The following SETD6 variants were observed in gnomAD, a reference collection of about 807,000 sequenced individuals.
SETD6 encodes the protein SET domain containing 6, protein lysine methyltransferase, also known as N-lysine methyltransferase SETD6.
In SETD6, 67 loss-of-function variants were observed where a neutral mutation model predicts 52.7. That is an observed-to-expected ratio of 1.27 (90% CI 1.04 to 1.56). The LOEUF (loss-of-function observed/expected upper bound fraction) is 1.56, where lower values mean the gene tolerates loss of function less well. SETD6 is among the 40% of genes most tolerant of loss of function. The pLI is 0.00. For synonymous variants in SETD6, 307 were observed against 250.2 expected, an observed-to-expected ratio of 1.23 and a Z score of -2.14; for missense variants, 712 against 607.5, an observed-to-expected ratio of 1.17 and a Z score of -1.81.
At chr16:58,517,012 A>G in intron 5 of SETD6, 84 bp downstream of exon 5, 1 of 1,599,378 alleles carries the variant, frequency 6.3e-7, no homozygotes, top group Non-Finnish European at 8.6e-7. Flanking sequence ...TAGTGCTACA[A>G]AATGAGTAGG....
At position 58,522,237 on chromosome 16, in the gene SETD6, C is replaced by CAAAAAAAAAAAAAAAAAAAAAA. The variant is rs56149974; in HGVS notation, c.*3217_*3238dup. ...AGGAGGCGACAAAGCGAGACTGTCT[C>CAAAAAAAAAAAAAAAAAAAAAA]AAAAAAAAAAAAAAAAAAAAAAAAA... On this transcript the variant is annotated 3_prime_UTR_variant, in exon 8 of 8. Transcript: ENST00000219315. 2.0e-5 allele frequency among the ~76,000 whole-genome samples: 2 copies of CAAAAAAAAAAAAAAAAAAAAAA among 98,556 alleles called. No individual in the cohort carries two copies. Among genetic ancestry groups the CAAAAAAAAAAAAAAAAAAAAAA allele is most frequent in the African/African-American group, 8.5e-5 (2 of 23,600 alleles). 64.7% of individuals were successfully genotyped at this position (98,556 alleles called of 152,430 possible).
chr16:58,518,531 C>T lies in SETD6; in HGVS notation c.1104C>T (p.Thr368=), dbSNP rs746497487. 4.4e-6 allele frequency: 7 copies of T among 1,597,378 alleles called. No individual in the cohort carries two copies. The highest frequency in any genetic ancestry group is 6.0e-6 in the Non-Finnish European group (7 of 1,176,356). The stretch of plus-strand genomic sequence containing the variant: ...AGGTGCTGACTGAAGAGGAGCTGAC[C>T]ACCACACTAAAGGTAAACGGCTGAA... ...REEVLTEEEL[T]TTLKVLCMPA... The change falls in exon 7 of 8, where the codon ACC becomes ACT. Residue 368 remains threonine, a synonymous_variant. Coordinates refer to ENST00000219315, the MANE Select transcript of SETD6 (RefSeq NM_001160305.4).
Position 58,518,382 on chromosome 16 carries a change from A to ATT in SETD6, c.974-18_974-17dup. 6.3e-7 allele frequency: 1 copy of ATT among 1,580,128 alleles called. No homozygotes were observed. Among genetic ancestry groups the ATT allele is most frequent in the South Asian group, 1.2e-5 (1 of 85,788 alleles). On this transcript the variant is annotated intron_variant, in intron 6 of 7. Coordinates refer to ENST00000219315, the MANE Select transcript of SETD6 (RefSeq NM_001160305.4). ...CCCTTGGGTGTACTGAGACTTTCACATTGCTGTTTCATCTACAGGAACAAA... is the reference window on the plus strand; with the variant it reads ...CCCTTGGGTGTACTGAGACTTTCACATTTTGCTGTTTCATCTACAGGAACAAA...
At position 58,520,505 on chromosome 16, in the gene SETD6, T is replaced by G. The variant is rs978860710; in HGVS notation, c.*1476T>G. On this transcript the variant is annotated 3_prime_UTR_variant, in exon 8 of 8. Transcript: ENST00000219315. ...TGATTTTCAAGGTCCCCTGTCCACA[T>G]TAAAAAAATAAGTTACATAATATTC... The G allele has an allele frequency of 1.2e-4, 20 of 169,362 alleles. No homozygotes were observed. Among genetic ancestry groups the G allele is most frequent in the Non-Finnish European group, 2.3e-4 (18 of 77,102 alleles). 10.5% of individuals were successfully genotyped at this position (169,362 alleles called of 1,614,324 possible).
chr16:58,516,931 G>T lies in SETD6; in HGVS notation c.792+3G>T. 1 of 1,614,192 alleles carries T rather than the reference G, an allele frequency of 6.2e-7. No homozygotes were observed. Among genetic ancestry groups the T allele is most frequent in the South Asian group, 1.1e-5 (1 of 91,080 alleles). On this transcript the variant is annotated splice_donor_region_variant and intron_variant, in intron 5 of 7. Coordinates refer to ENST00000219315, the MANE Select transcript of SETD6 (RefSeq NM_001160305.4). ...ACGCCAATCTAGAATACTCTGCGGTGAGTGGAGTTTCTCTTGGTGCACTGA... is the reference window on the plus strand; with the variant it reads ...ACGCCAATCTAGAATACTCTGCGGTTAGTGGAGTTTCTCTTGGTGCACTGA...
At chr16:58,515,503 G>A (rs575804609), upstream of SETD6, 5 of 1,572,040 alleles carry the variant, frequency 3.2e-6, no homozygotes, top group South Asian at 4.7e-5. Context: ...TGACCGCGCG[G>A]TGCGCCGGCC....
At chr16:58,515,753 T>G in intron 1 of SETD6, 38 bp from the exon 2 acceptor site, 1 of 1,431,310 alleles carries the variant, frequency 7.0e-7, no homozygotes, top group East Asian at 2.8e-5. Flanking sequence ...GCGGCCTCTC[T>G]GGGGGTCGGA....
At chr16:58,516,381 G>A in intron 3 of SETD6, 38 bp downstream of exon 3, 2 of 1,577,476 alleles carry the variant, frequency 1.3e-6, no homozygotes, top group Non-Finnish European at 1.7e-6. Flanking sequence ...CGCCTGCACC[G>A]TAGCCTGCTG....
rs553767211 is a variant in SETD6 at position 58,519,431 on chromosome 16, G to A, written c.*402G>A. 1.1e-4 allele frequency: 20 copies of A among 189,620 alleles called. No homozygotes were observed. Among genetic ancestry groups the A allele is most frequent in the Non-Finnish European group, 2.0e-4 (18 of 90,006 alleles). The allele number at this position is 189,620 out of a possible 1,614,324, so 11.7% of individuals were successfully genotyped here. On this transcript the variant is annotated 3_prime_UTR_variant, in exon 8 of 8. Transcript: ENST00000219315. ...ATTGAAAAGACTCTGGATTTAATAA[G>A]CTGTGTAACTGGTACTCGATAGTTA...
At position 58,516,928 on chromosome 16, in the gene SETD6, G is replaced by C. The variant is rs750324018; in HGVS notation, c.792G>C (p.Ala264=). ...ANHNANLEYS[A]NCLRMVATQP... ...ACAACGCCAATCTAGAATACTCTGC[G>C]GTGAGTGGAGTTTCTCTTGGTGCAC... The change falls in exon 5 of 8, where the codon GCG becomes GCC. Residue 264 remains alanine, a splice_region_variant and synonymous_variant. Transcript: ENST00000219315. 1.9e-6 allele frequency: 3 copies of C among 1,614,126 alleles called. No individual in the cohort carries two copies. The highest frequency in any genetic ancestry group is 2.2e-5 in the South Asian group (2 of 91,084).
intron 3 of SETD6, 53 bp from the exon 4 acceptor site, chr16:58,516,425 C>G: frequency 6.2e-7 from 1 of 1,613,074 alleles, no homozygotes; most frequent in Non-Finnish European, 8.5e-7. Context: ...CCAGTCCTAC[C>G]CAGTAAAGTG....
rs2151888683 is a variant in SETD6, at chr16:58,522,536, A to G, written c.*3507A>G. 6.6e-6 allele frequency among the ~76,000 whole-genome samples: 1 copy of G among 151,058 alleles called. No individual in the cohort carries two copies. The highest frequency in any genetic ancestry group is 2.1e-4 in the South Asian group (1 of 4,794). On this transcript the variant is annotated 3_prime_UTR_variant, in exon 8 of 8. Coordinates refer to ENST00000219315, the MANE Select transcript of SETD6 (RefSeq NM_001160305.4). ...ATTAGGCAAATGAGCAAGTTTTAAGAGTCTGGCCCAATTTTTAAAGTGTGT... is the reference window on the plus strand; with the variant it reads ...ATTAGGCAAATGAGCAAGTTTTAAGGGTCTGGCCCAATTTTTAAAGTGTGT...
rs773932530 is a variant in SETD6, at chr16:58,516,217, A to C, written c.350A>C (p.Gln117Pro). Residue 117 changes from glutamine to proline, a missense_variant, in exon 3 of 8, where the codon CAG becomes CCG. By Grantham distance (76) the Gln-to-Pro change is moderately conservative. Transcript: ENST00000219315. ...GLLERERVAL[Q>P]SQSGWVPLLL... ...TCTTCCTCAGAGCGAGTTGCGCTGC[A>C]GAGCCAGTCGGGCTGGGTGCCACTG... The C allele has an allele frequency of 6.3e-7, 1 of 1,593,928 alleles. No individual in the cohort carries two copies. The highest frequency in any genetic ancestry group is 1.1e-5 in the South Asian group (1 of 90,792).
Position 58,523,608 on chromosome 16 carries a change from A to C in SETD6, c.*4579A>C, listed in dbSNP as rs2151890726. On this transcript the variant is annotated 3_prime_UTR_variant, in exon 8 of 8. Coordinates refer to ENST00000219315, the MANE Select transcript of SETD6 (RefSeq NM_001160305.4). ...GTTTCTGACAGAGGCTTTCAAATTAATCTTTGGTTTAAAGCAGTGGTTCTT... is the reference window on the plus strand; with the variant it reads ...GTTTCTGACAGAGGCTTTCAAATTACTCTTTGGTTTAAAGCAGTGGTTCTT... 1.9e-6 allele frequency: 2 copies of C among 1,054,382 alleles called. No homozygotes were observed. The highest frequency in any genetic ancestry group is 4.8e-5 in the East Asian group (2 of 41,378). The allele number at this position is 1,054,382 out of a possible 1,614,324, so 65.3% of individuals were successfully genotyped here.
Position 58,516,205 on chromosome 16 carries a change from G to T in SETD6, c.338G>T (p.Arg113Leu), listed in dbSNP as rs780113702. The T allele has an allele frequency of 1.9e-6, 3 of 1,587,910 alleles. No individual in the cohort carries two copies. The highest frequency in any genetic ancestry group is 1.1e-5 in the South Asian group (1 of 90,386). ...CSIGGLLERE[R>L]VALQSQSGWV... Reference sequence around the variant, plus strand: ...CTCACACCTGTGTCTTCCTCAGAGCGAGTTGCGCTGCAGAGCCAGTCGGGC... The same window carrying T: ...CTCACACCTGTGTCTTCCTCAGAGCTAGTTGCGCTGCAGAGCCAGTCGGGC... Residue 113 changes from arginine to leucine, a missense_variant, in exon 3 of 8, where the codon CGA becomes CTA. Coordinates refer to ENST00000219315, the MANE Select transcript of SETD6 (RefSeq NM_001160305.4).
chr16:58,521,083 A>AAC lies in SETD6; in HGVS notation c.*2056_*2057dup. ...AAATCTCTGATTAAAGAGTAGGCCT[A>AAC]ACAATACCTTGCATCTCATTCAGCT... is the stretch of plus-strand genomic sequence containing the variant. On this transcript the variant is annotated 3_prime_UTR_variant, in exon 8 of 8. Transcript: ENST00000219315. 6.2e-7 allele frequency: 1 copy of AAC among 1,613,758 alleles called. No homozygotes were observed. Among genetic ancestry groups the AAC allele is most frequent in the Admixed American group, 1.7e-5 (1 of 60,022 alleles).
Position 58,516,882 on chromosome 16 carries a change from TAC to T in SETD6, c.747_748del (p.Leu250LysfsTer27), listed in dbSNP as rs1439183621. 7.4e-6 allele frequency: 12 copies of T among 1,614,134 alleles called. No individual in the cohort carries two copies. Among genetic ancestry groups the T allele is most frequent in the African/African-American group, 1.3e-5 (1 of 75,026 alleles). On this transcript the variant is annotated frameshift_variant, in exon 5 of 8. Coordinates refer to ENST00000219315, the MANE Select transcript of SETD6 (RefSeq NM_001160305.4). LOFTEE classifies it high-confidence loss of function. ...CCCGTGATGGTGCCTGCTGCAGACA[TAC>T]TAAACCACTTAGCCAATCACAACGC...
At position 58,519,097 on chromosome 16, in the gene SETD6, GAA is replaced by G. The variant is rs983519087; in HGVS notation, c.*72_*73del. ...TCTAAGCTAATACTCATTGATGTTT[GAA>G]AAAGAGGAAAATTTGGATCTTTCTT... is the stretch of plus-strand genomic sequence containing the variant. On this transcript the variant is annotated 3_prime_UTR_variant, in exon 8 of 8. Transcript: ENST00000219315. 1.6e-5 allele frequency: 23 copies of G among 1,434,480 alleles called. No individual in the cohort carries two copies. Among genetic ancestry groups the G allele is most frequent in the Non-Finnish European group, 1.8e-5 (19 of 1,074,236 alleles). 88.9% of individuals were successfully genotyped at this position (1,434,480 alleles called of 1,614,324 possible). A position where few individuals can be genotyped will look rare whatever the true frequency, so the allele number is the denominator to read the frequency against.
In SETD6 at chr16:58,519,153, A is replaced by C. The variant is rs898433625; in HGVS notation, c.*124A>C. 2 of 1,006,694 alleles carry C rather than the reference A, an allele frequency of 2.0e-6. No individual in the cohort carries two copies. The highest frequency in any genetic ancestry group is 2.6e-5 in the East Asian group (1 of 38,128). The allele number at this position is 1,006,694 out of a possible 1,614,324, so 62.4% of individuals were successfully genotyped here. On this transcript the variant is annotated 3_prime_UTR_variant, in exon 8 of 8. Coordinates refer to ENST00000219315, the MANE Select transcript of SETD6 (RefSeq NM_001160305.4). ...CTTACTAAACACCAAGAGGAAAAGT[A>C]GCAAAGTTGGTGTGCTAGGATTAAC...
Sources: gnomAD v4.1 joint callset for allele counts (sites outside exome capture counted in the v4.1 genomes callset) on GRCh38, gnomAD v4.1.1 for gene constraint, MANE v1.5 for transcripts, NCBI Gene and HGNC (gene_info 2026-07-23, HGNC 2026-07-21) for gene names.